Variants in CTNND2 observed in about 807,000 individuals in gnomAD.
The protein encoded by CTNND2 is catenin delta-2.
A neutral mutation model predicts 144.4 loss-of-function variants in CTNND2; 22 were observed. The ratio of observed to expected loss-of-function variants is 0.15; its 90% confidence interval spans 0.11 to 0.22. CTNND2 has a LOEUF of 0.22. Among genes scored for constraint, CTNND2 ranks in the 10% least tolerant of loss-of-function variants. The pLI, the probability that CTNND2 is intolerant of heterozygous loss-of-function variation, is 1.00. For missense variants in CTNND2, 1,353 were observed against 1,618.8 expected (o/e 0.84, Z 2.82); for synonymous variants, 751 against 695.6 (o/e 1.08, Z -1.25).
In CTNND2 at chr5:11,428,199, C is replaced by G. The variant is rs377398781; in HGVS notation, c.288-16130G>C. Among the ~76,000 whole-genome samples, 8 of 152,240 alleles carry G rather than the reference C, an allele frequency of 5.3e-5. No individual in the cohort carries two copies. In the South Asian group the frequency reaches 1.7e-3, roughly 32 times the overall value. ...GGGACACAGCCAAACCATATCAACC[C>G]TAAAGACAAAGTCTGACTATCAACA... is the stretch of plus-strand genomic sequence containing the variant. On this transcript the variant is annotated intron_variant, in intron 3 of 21. Coordinates refer to ENST00000304623, the MANE Select transcript of CTNND2 (RefSeq NM_001332.4).
chr5:11,376,312 TTGTG>T (rs1232157769), intron 7 of CTNND2, among the ~76,000 whole-genome samples: 1 of 12,330 alleles, frequency 8.1e-5, no homozygotes, highest in African/African-American at 5.6e-4. Context: ...ATGAATGCCT[TTGTG>T]TGTGTGTGTG....
intron 2 of CTNND2, among the ~76,000 whole-genome samples, chr5:11,675,594 A>C (rs1250869764): frequency 6.6e-6 from 1 of 152,140 alleles, no homozygotes; most frequent in African/African-American, 2.4e-5. Context: ...TGCGTTCACC[A>C]GTCCTTAAAA....
chr5:11,810,945 C>G (rs1792297476), intron 1 of CTNND2, among the ~76,000 whole-genome samples: 1 of 152,038 alleles, frequency 6.6e-6, no homozygotes, highest in African/African-American at 2.4e-5. Context: ...TGATATTTTA[C>G]ATATCATCTG....
chr5:11,217,014 G>A (rs986548317), intron 10 of CTNND2, among the ~76,000 whole-genome samples: 2 of 152,276 alleles, frequency 1.3e-5, no homozygotes, highest in East Asian at 3.9e-4. Flanking sequence ...CTCAATGTGT[G>A]CTGTGCACAC....
chr5:11,733,945 G>A (rs185397475), intron 1 of CTNND2, among the ~76,000 whole-genome samples: 54 of 152,288 alleles, frequency 3.5e-4, no homozygotes, highest in Non-Finnish European at 6.0e-4. Context: ...GATGGTACTA[G>A]GAGGAGGGGC....
chr5:11,147,604 C>T (rs145683730), intron 12 of CTNND2, among the ~76,000 whole-genome samples: 3 of 151,340 alleles, frequency 2.0e-5, no homozygotes, highest in Non-Finnish European at 4.4e-5. Flanking sequence ...GAGCCTTTCT[C>T]CTAAGGACTC....
intron 2 of CTNND2, among the ~76,000 whole-genome samples, chr5:11,640,891 A>C (rs1372599724): frequency 6.6e-6 from 1 of 152,164 alleles, no homozygotes; most frequent in Non-Finnish European, 1.5e-5. Context: ...AACTCTGCTG[A>C]CCAATGGGAG....
intron 3 of CTNND2, among the ~76,000 whole-genome samples, chr5:11,504,365 C>T (rs915380160): frequency 6.6e-6 from 1 of 152,144 alleles, no homozygotes; most frequent in Admixed American, 6.5e-5. Context: ...TAACTAAAAT[C>T]TTGTGTTTTT....
chr5:11,062,672 C>G (rs907423118), intron 16 of CTNND2, among the ~76,000 whole-genome samples: 1 of 152,214 alleles, frequency 6.6e-6, no homozygotes, highest in African/African-American at 2.4e-5. Context: ...GGGGCAGACT[C>G]CAAAAGGAGC....
chr5:11,019,809 T>C lies in CTNND2; in HGVS notation c.3000-1751A>G, dbSNP rs189697124. The stretch of plus-strand genomic sequence containing the variant: ...GACTGTTAATAGCTTTTCCGTCTTA[T>C]GACAAAATATAGTGACACATTCAAC... On this transcript the variant is annotated intron_variant, in intron 17 of 21. Coordinates refer to ENST00000304623, the MANE Select transcript of CTNND2 (RefSeq NM_001332.4). Among the ~76,000 whole-genome samples the C allele has an allele frequency of 7.2e-5, 11 of 152,336 alleles. No individual in the cohort carries two copies. The East Asian group carries it at 2.1e-3, about 29-fold the overall frequency.
chr5:11,132,959 A>G (rs1755765163), intron 12 of CTNND2, among the ~76,000 whole-genome samples: 2 of 135,320 alleles, frequency 1.5e-5, no homozygotes, highest in South Asian at 4.8e-4. Flanking sequence ...GACAAATGTT[A>G]GAAAATCCGG....
chr5:11,493,486 G>C (rs1769646231), intron 3 of CTNND2, among the ~76,000 whole-genome samples: 1 of 152,178 alleles, frequency 6.6e-6, no homozygotes, highest in Admixed American at 6.5e-5. Context: ...TTCTGCCATT[G>C]AATTAACTTA....
At chr5:11,812,475 T>A (rs1282240379) in intron 1 of CTNND2, among the ~76,000 whole-genome samples, 1 of 152,012 alleles carries the variant, frequency 6.6e-6, no homozygotes, top group East Asian at 1.9e-4. Flanking sequence ...CACTGTGGAG[T>A]TCTCCCAGCA....
intron 3 of CTNND2, among the ~76,000 whole-genome samples, chr5:11,546,295 T>TA (rs1479532847): frequency 6.6e-6 from 1 of 151,312 alleles, no homozygotes; most frequent in Admixed American, 6.6e-5. Context: ...AAAGCCTTTT[T>TA]TTTCTAAAAA....
At chr5:11,893,813 T>G (rs1737180209) in intron 1 of CTNND2, among the ~76,000 whole-genome samples, 1 of 152,162 alleles carries the variant, frequency 6.6e-6, no homozygotes, top group African/African-American at 2.4e-5. Flanking sequence ...ATACAATTTA[T>G]CACACAACCC....
At chr5:11,123,136 T>C (rs1365419707) in intron 12 of CTNND2, among the ~76,000 whole-genome samples, 1 of 152,150 alleles carries the variant, frequency 6.6e-6, no homozygotes, top group Non-Finnish European at 1.5e-5. Flanking sequence ...TCAGCCCCGC[T>C]ACTCCTTCCT....
Position 11,182,002 on chromosome 5 carries a change from TGTGTGGGTGTGTGTGGC to T in CTNND2, c.1975+17429_1975+17445del, listed in dbSNP as rs1560982721. On this transcript the variant is annotated intron_variant, in intron 11 of 21. Coordinates refer to ENST00000304623, the MANE Select transcript of CTNND2 (RefSeq NM_001332.4). ...TGGTGTGTGTGTAGTATGTGTGTGG[TGTGTGGGTGTGTGTGGC>T]GTGTGTGATGTATGTGTGGTGTGTG... 1.6e-3 allele frequency among the ~76,000 whole-genome samples: 177 copies of T among 108,646 alleles called. 1 individual carries two copies. The highest frequency in any genetic ancestry group is 6.8e-3 in the African/African-American group (164 of 24,266). The allele number at this position is 108,646 out of a possible 152,430, so 71.3% of individuals were successfully genotyped here.
chr5:11,020,450 C>T (rs1316474045), intron 17 of CTNND2, among the ~76,000 whole-genome samples: 6 of 151,826 alleles, frequency 4.0e-5, no homozygotes, highest in East Asian at 1.9e-4. Flanking sequence ...GTATACCTAC[C>T]GTTCCCAATT....
intron 16 of CTNND2, among the ~76,000 whole-genome samples, chr5:11,028,264 G>A (rs1340791069): frequency 6.6e-6 from 1 of 152,166 alleles, no homozygotes; most frequent in East Asian, 1.9e-4. Flanking sequence ...CAACTCCTTT[G>A]TCTTCGAGGT....
Sources: allele counts gnomAD v4.1 joint callset (sites outside exome capture counted in the v4.1 genomes callset), GRCh38; gene constraint gnomAD v4.1.1; transcripts MANE v1.5; gene names NCBI Gene and HGNC (gene_info 2026-07-23, HGNC 2026-07-21).